Variants in GLCE observed in about 807,000 individuals in gnomAD.
The protein encoded by GLCE is glucuronic acid epimerase.
In GLCE, 19 loss-of-function variants were observed where a neutral mutation model predicts 47.9. The observed-to-expected ratio is 0.40, with a 90% confidence interval of 0.28 to 0.58. GLCE has a LOEUF of 0.58. Among genes scored for constraint, GLCE ranks in the 20% least tolerant of loss-of-function variants. The pLI is 0.48. For missense variants in GLCE, 556 were observed against 743.3 expected (o/e 0.75, Z 2.93); for synonymous variants, 245 against 263.4 (o/e 0.93, Z 0.68).
At chr15:69,198,208 C>T (rs926785744) in intron 1 of GLCE, among the ~76,000 whole-genome samples, 1 of 152,138 alleles carries the variant, frequency 6.6e-6, no homozygotes, top group Non-Finnish European at 1.5e-5. Context: ...TTACATGTCT[C>T]ACCCATTACT....
intron 3 of GLCE, 111 bp from the exon 4 acceptor site, chr15:69,260,976 C>T: frequency 9.7e-7 from 1 of 1,031,280 alleles, no homozygotes; most frequent in Non-Finnish European, 1.4e-6. Flanking sequence ...AAGCCCACAA[C>T]TTCCTGATAA....
chr15:69,164,512 TTG>T (rs1445808088), intron 1 of GLCE, among the ~76,000 whole-genome samples: 1 of 150,286 alleles, frequency 6.7e-6, no homozygotes, highest in Non-Finnish European at 1.5e-5. Context: ...CATGTGTATG[TTG>T]TTATATACAT....
At chr15:69,187,426 G>T (rs2051840615) in intron 1 of GLCE, among the ~76,000 whole-genome samples, 1 of 152,080 alleles carries the variant, frequency 6.6e-6, no homozygotes, top group Non-Finnish European at 1.5e-5. Context: ...CCTTCAACCT[G>T]GTGAGAGAGT....
intron 2 of GLCE, among the ~76,000 whole-genome samples, chr15:69,242,371 A>G (rs1477584151): frequency 6.6e-6 from 1 of 152,008 alleles, no homozygotes; most frequent in Admixed American, 6.6e-5. Context: ...TGTATGTTCA[A>G]GTCTTGTATC....
intron 2 of GLCE, among the ~76,000 whole-genome samples, chr15:69,247,585 G>A (rs1390757359): frequency 2.6e-5 from 4 of 152,192 alleles, no homozygotes; most frequent in Non-Finnish European, 5.9e-5. Flanking sequence ...TGGCACAAGA[G>A]GTCTAGCTTT....
chr15:69,243,073 A>AAAAAG (rs2052697224), intron 2 of GLCE, among the ~76,000 whole-genome samples: 1 of 150,370 alleles, frequency 6.7e-6, no homozygotes, highest in African/African-American at 2.5e-5. Context: ...AAAAAAAAAA[A>AAAAAG]AAAGAAAGAA....
At chr15:69,176,569 A>C (rs969329771) in intron 1 of GLCE, among the ~76,000 whole-genome samples, 3 of 152,116 alleles carry the variant, frequency 2.0e-5, no homozygotes, top group Admixed American at 6.5e-5. Flanking sequence ...TGGCACTGCA[A>C]TATAGAATAC....
chr15:69,211,955 G>T lies in GLCE; in HGVS notation c.-14+1549G>T, dbSNP rs201058087. Among the ~76,000 whole-genome samples the T allele has an allele frequency of 3.9e-5, 6 of 152,054 alleles. No homozygotes were observed. The East Asian group carries it at 1.2e-3, about 29-fold the overall frequency. On this transcript the variant is annotated intron_variant, in intron 2 of 4. Coordinates refer to ENST00000261858, the MANE Select transcript of GLCE (RefSeq NM_015554.3). ...TTTAAAATTTACTTTTTAAAGGAGG[G>T]AATCTGGAAACTTATCAGAAAGAAA...
intron 4 of GLCE, among the ~76,000 whole-genome samples, chr15:69,261,873 T>C (rs2053020643): frequency 6.6e-6 from 1 of 152,224 alleles, no homozygotes; most frequent in South Asian, 2.1e-4. Flanking sequence ...AAAATCAAAT[T>C]AACTTTATGC....
chr15:69,263,694 C>T (rs2053045206), intron 4 of GLCE, among the ~76,000 whole-genome samples: 1 of 152,014 alleles, frequency 6.6e-6, no homozygotes, highest in Admixed American at 6.6e-5. Context: ...TTTCTGTAGC[C>T]ATTCTTTCTC....
At chr15:69,252,170 T>C (rs2052853763) in intron 2 of GLCE, among the ~76,000 whole-genome samples, 1 of 152,214 alleles carries the variant, frequency 6.6e-6, no homozygotes. Context: ...TTCTTTATTT[T>C]CCCATCGTGT....
At chr15:69,237,423 C>T (rs1377195157) in intron 2 of GLCE, among the ~76,000 whole-genome samples, 9 of 151,984 alleles carry the variant, frequency 5.9e-5, no homozygotes, top group Non-Finnish European at 7.4e-5. Context: ...GGTTAAACCC[C>T]GTCTCTACTA....
At chr15:69,168,477 TTTTC>T (rs1397269858) in intron 1 of GLCE, among the ~76,000 whole-genome samples, 1 of 152,026 alleles carries the variant, frequency 6.6e-6, no homozygotes, top group Non-Finnish European at 1.5e-5. Flanking sequence ...TCATCTCTTC[TTTTC>T]TTTCTTTCTT....
chr15:69,250,783 A>G lies in GLCE; in HGVS notation c.-13-5011A>G, dbSNP rs963839361. ...CCAGTCCCAAGTAGCTGGGACTGCA[A>G]GCACATGCCATTTTTTATAGTTAAA... is the stretch of plus-strand genomic sequence containing the variant. On this transcript the variant is annotated intron_variant, in intron 2 of 4. Coordinates refer to ENST00000261858, the MANE Select transcript of GLCE (RefSeq NM_015554.3). Among the ~76,000 whole-genome samples the G allele has an allele frequency of 1.5e-3, 227 of 149,046 alleles. 2 individuals are homozygous for G. Among genetic ancestry groups the G allele is most frequent in the Non-Finnish European group, 1.6e-3 (110 of 67,482 alleles).
chr15:69,202,799 A>G (rs1029863631), intron 1 of GLCE, among the ~76,000 whole-genome samples: 1 of 152,158 alleles, frequency 6.6e-6, no homozygotes, highest in African/African-American at 2.4e-5. Context: ...TCTTAATTTC[A>G]GTACATACCA....
At chr15:69,252,903 A>G (rs545507094) in intron 2 of GLCE, among the ~76,000 whole-genome samples, 1 of 152,312 alleles carries the variant, frequency 6.6e-6, no homozygotes. Context: ...AATAATGCAG[A>G]TGATGAATTA....
Position 69,175,257 on chromosome 15 carries a change from ATCATCCTC to A in GLCE, c.-105+14501_-105+14508del, listed in dbSNP as rs1566947048. ...TGAAAAATAAGAAAAAGATTTTTCC[ATCATCCTC>A]ACATTCTTAATACCACCATCTCCTA... On this transcript the variant is annotated intron_variant, in intron 1 of 4. Transcript: ENST00000261858. Among the ~76,000 whole-genome samples, 6 of 152,314 alleles carry A rather than the reference ATCATCCTC, an allele frequency of 3.9e-5. No individual in the cohort carries two copies. In the East Asian group the frequency reaches 9.6e-4, roughly 24 times the overall value.
chr15:69,192,950 A>G (rs1297887550), intron 1 of GLCE, among the ~76,000 whole-genome samples: 1 of 151,748 alleles, frequency 6.6e-6, no homozygotes, highest in Non-Finnish European at 1.5e-5. Context: ...TTGATGTTTT[A>G]TTTTGCCCAG....
At chr15:69,180,870 G>C (rs1843889098) in intron 1 of GLCE, among the ~76,000 whole-genome samples, 2 of 152,192 alleles carry the variant, frequency 1.3e-5, no homozygotes, top group South Asian at 4.1e-4. Flanking sequence ...CTTTTAAAGA[G>C]TCAGTCTGGC....
Sources: allele counts gnomAD v4.1 joint callset (sites outside exome capture counted in the v4.1 genomes callset), GRCh38; gene constraint gnomAD v4.1.1; transcripts MANE v1.5; gene names NCBI Gene and HGNC (gene_info 2026-07-23, HGNC 2026-07-21).